The following FBXW8 variants were observed in gnomAD, a reference collection of about 807,000 sequenced individuals.
FBXW8 encodes F-box/WD repeat-containing protein 8.
A neutral mutation model predicts 65.3 loss-of-function variants in FBXW8; 57 were observed. The ratio of observed to expected loss-of-function variants is 0.87; its 90% confidence interval spans 0.71 to 1.09. FBXW8 has a LOEUF of 1.09. Ranked by LOEUF, FBXW8 falls within the 50% of genes least tolerant of loss-of-function variation. The pLI, the probability that FBXW8 is intolerant of heterozygous loss-of-function variation, is 0.00. For synonymous variants in FBXW8, 308 were observed against 330.2 expected (o/e 0.93, Z 0.73); for missense variants, 777 against 814.8 (o/e 0.95, Z 0.57).
chr12:117,008,276 A>C (rs1284037091), intron 7 of FBXW8, among the ~76,000 whole-genome samples: 1 of 152,222 alleles, frequency 6.6e-6, no homozygotes, highest in Non-Finnish European at 1.5e-5. Flanking sequence ...TGGATGCAGA[A>C]TACTACTTTT....
intron 5 of FBXW8, among the ~76,000 whole-genome samples, chr12:116,981,299 C>T (rs934961788): frequency 6.6e-6 from 1 of 152,200 alleles, no homozygotes; most frequent in East Asian, 1.9e-4. Flanking sequence ...TGCCCATATG[C>T]TTTTGGGGCA....
In FBXW8 at chr12:117,029,610, T is replaced by G. The variant is rs184750987; in HGVS notation, c.*1438T>G. 1.3e-5 allele frequency: 2 copies of G among 151,908 alleles called. No homozygotes were observed. The highest frequency in any genetic ancestry group is 4.8e-5 in the African/African-American group (2 of 41,434). The allele number at this position is 151,908 out of a possible 1,614,324, so 9.4% of individuals were successfully genotyped here. A position where few individuals can be genotyped will look rare whatever the true frequency, so the allele number is the denominator to read the frequency against. On this transcript the variant is annotated 3_prime_UTR_variant, in exon 11 of 11. Coordinates refer to ENST00000652555, the MANE Select transcript of FBXW8 (RefSeq NM_153348.3). ...AGTTAGTTAATATAAAGCCAGAAGG[T>G]TTTGTTTTTTTTCAGGTGGGGTCTC...
At chr12:117,027,324 C>T (rs1954255359) in intron 9 of FBXW8, 70 bp from the exon 10 acceptor site, 9 of 1,197,762 alleles carry the variant, frequency 7.5e-6, no homozygotes, top group East Asian at 4.7e-5. Flanking sequence ...GCTCTGAACT[C>T]CCAGGCCTGC....
chr12:116,923,152 G>C (rs1881035828), intron 1 of FBXW8, among the ~76,000 whole-genome samples: 1 of 152,178 alleles, frequency 6.6e-6, no homozygotes, highest in Admixed American at 6.5e-5. Flanking sequence ...GTTTCATTGA[G>C]CCAGGATCGT....
chr12:116,912,522 C>T (rs1282527284), intron 1 of FBXW8, among the ~76,000 whole-genome samples: 1 of 147,044 alleles, frequency 6.8e-6, no homozygotes, highest in Non-Finnish European at 1.5e-5. Flanking sequence ...TGCAGTGGCG[C>T]GATCTCGGCT....
At chr12:117,011,471 T>G (rs1385904554) in intron 8 of FBXW8, among the ~76,000 whole-genome samples, 1 of 152,152 alleles carries the variant, frequency 6.6e-6, no homozygotes, top group Admixed American at 6.6e-5. Context: ...CCTCCTAAAA[T>G]GGCTGATGTT....
At chr12:116,928,581 T>A (rs752163152) in intron 2 of FBXW8, among the ~76,000 whole-genome samples, 1 of 152,176 alleles carries the variant, frequency 6.6e-6, no homozygotes, top group Non-Finnish European at 1.5e-5. Flanking sequence ...AAATTACCCT[T>A]TAAACTTTAG....
At chr12:116,953,080 T>A (rs1001649214) in intron 4 of FBXW8, among the ~76,000 whole-genome samples, 15 of 152,346 alleles carry the variant, frequency 9.8e-5, no homozygotes, top group African/African-American at 2.4e-4. Flanking sequence ...TAATATTTTG[T>A]TAAATGTATA....
chr12:117,009,464 T>C (rs1042282426), intron 7 of FBXW8, among the ~76,000 whole-genome samples: 1 of 152,118 alleles, frequency 6.6e-6, no homozygotes. Flanking sequence ...ATCTCCAGGA[T>C]AGAAAGTATG....
intron 5 of FBXW8, among the ~76,000 whole-genome samples, chr12:116,971,091 T>G (rs1398707147): frequency 6.6e-6 from 1 of 152,026 alleles, no homozygotes; most frequent in East Asian, 1.9e-4. Flanking sequence ...AATTAAAACA[T>G]CTAGGCTGGG....
intron 6 of FBXW8, 89 bp from the exon 7 acceptor site, chr12:116,988,574 G>T (rs1256361267): frequency 9.6e-6 from 11 of 1,146,764 alleles, no homozygotes; most frequent in Non-Finnish European, 1.4e-5. Context: ...TGGGTTGCTG[G>T]TCTTCTCATT....
chr12:117,027,911 T>C, intron 10 of FBXW8, 117 bp from the exon 11 acceptor site: 1 of 1,393,072 alleles, frequency 7.2e-7, no homozygotes. Flanking sequence ...GAGAACGCGT[T>C]TGTGAAGCTG....
chr12:116,920,819 G>A (rs940108350), intron 1 of FBXW8, among the ~76,000 whole-genome samples: 2 of 152,164 alleles, frequency 1.3e-5, no homozygotes, highest in Admixed American at 1.3e-4. Flanking sequence ...GTGGGAATGT[G>A]CCTGCAGTGT....
At chr12:116,917,236 T>G (rs1565895749) in intron 1 of FBXW8, among the ~76,000 whole-genome samples, 1 of 152,210 alleles carries the variant, frequency 6.6e-6, no homozygotes, top group Non-Finnish European at 1.5e-5. Flanking sequence ...AGATTTTAGG[T>G]GCTAACATTG....
chr12:116,957,358 T>A (rs904831617), intron 4 of FBXW8, among the ~76,000 whole-genome samples: 16 of 152,098 alleles, frequency 1.1e-4, no homozygotes, highest in South Asian at 4.1e-4. Flanking sequence ...AATTTTTTTT[T>A]AAAAAAGGAC....
At chr12:116,995,850 CT>C (rs1405051693) in intron 7 of FBXW8, among the ~76,000 whole-genome samples, 1 of 152,192 alleles carries the variant, frequency 6.6e-6, no homozygotes, top group Non-Finnish European at 1.5e-5. Context: ...TTAATGTAGC[CT>C]TCGTGCCCAA....
rs186891107 is a variant in FBXW8 at position 117,028,469 on chromosome 12, G to A, written c.*297G>A. ...GGACGCCTCAGGGATCTCGCTGCGC[G>A]GTCCTATACGGTCCCTGCTTAGCCA... is the stretch of plus-strand genomic sequence containing the variant. On this transcript the variant is annotated 3_prime_UTR_variant, in exon 11 of 11. Transcript: ENST00000652555. The surrounding 1 kb of genome is among the most constrained non-coding windows in gnomAD (Gnocchi z 4.1). 1.6e-4 allele frequency: 54 copies of A among 340,400 alleles called. No homozygotes were observed. The highest frequency in any genetic ancestry group is 4.1e-4 in the African/African-American group (20 of 48,928). The allele number at this position is 340,400 out of a possible 1,614,324, so 21.1% of individuals were successfully genotyped here.
At chr12:117,019,822 CCT>C (rs1308988009) in intron 8 of FBXW8, among the ~76,000 whole-genome samples, 3 of 152,130 alleles carry the variant, frequency 2.0e-5, no homozygotes, top group African/African-American at 7.2e-5. Context: ...CCTTTATTGC[CCT>C]CTTTCTTCTC....
At chr12:116,928,234 A>G in intron 2 of FBXW8, 107 bp downstream of exon 2, 1 of 757,456 alleles carries the variant, frequency 1.3e-6, no homozygotes, top group Non-Finnish European at 2.2e-6. Flanking sequence ...ACTTTGCAGA[A>G]TTAATGAATT....
Sources: allele counts gnomAD v4.1 joint callset (sites outside exome capture counted in the v4.1 genomes callset), GRCh38; gene constraint gnomAD v4.1.1; non-coding constraint Gnocchi (gnomAD v3.1); transcripts MANE v1.5; gene names NCBI Gene and HGNC (gene_info 2026-07-23, HGNC 2026-07-21).